MEP1A: variants seen among roughly 807,000 people sequenced by gnomAD.
MEP1A encodes N-benzoyl-L-tyrosyl-P-amino-benzoic acid hydrolase subunit alpha.
In MEP1A, 68 loss-of-function variants were observed where a neutral mutation model predicts 84.5. The observed-to-expected ratio is 0.80, with a 90% CI of 0.66 to 0.98. MEP1A has a LOEUF of 0.98. MEP1A is among the 50% of genes least tolerant of loss of function. The pLI is 0.00. For missense variants in MEP1A, 887 were observed against 919.9 expected, an observed-to-expected ratio of 0.96 and a Z score of 0.46; for synonymous variants, 337 against 336.8, an observed-to-expected ratio of 1.00 and a Z score of -0.01.
intron 10 of MEP1A, 148 bp from the exon 11 acceptor site, chr6:46,832,926 C>A (rs1006575356): frequency 1.1e-5 from 5 of 473,186 alleles, no homozygotes; most frequent in African/African-American, 6.0e-5. Flanking sequence ...AGTTACTTAA[C>A]CAGTTTATAA....
chr6:46,839,026 G>A lies in MEP1A; in HGVS notation c.2131G>A (p.Ala711Thr), dbSNP rs775328406. 1.2e-6 allele frequency: 2 copies of A among 1,613,692 alleles called. No individual in the cohort carries two copies. Among genetic ancestry groups the A allele is most frequent in the African/African-American group, 2.7e-5 (2 of 74,914 alleles). Residue 711 changes from alanine to threonine, a missense_variant, in exon 14 of 14, where the codon GCC becomes ACC. Transcript: ENST00000230588. ...CTTCTACACGGGGGAGCGCTGTCAG[G>A]CCGTGCAGGTGCACGGCAGTGTCCT... ...AFFYTGERCQAVQVHGSVLGM... is the reference protein window; with the variant it reads ...AFFYTGERCQTVQVHGSVLGM...
the MEP1A span, among the ~76,000 whole-genome samples, chr6:46,845,193 G>C: frequency 6.6e-6 from 1 of 152,174 alleles, no homozygotes; most frequent in South Asian, 2.1e-4. Flanking sequence ...ATCAAATTCA[G>C]GCCAATGGAA....
downstream of MEP1A, among the ~76,000 whole-genome samples, chr6:46,840,482 A>C (rs768358036): frequency 3.9e-5 from 6 of 152,178 alleles, no homozygotes; most frequent in Non-Finnish European, 5.9e-5. Context: ...TGCTACTGCT[A>C]CTGACTCCCC....
intron 3 of MEP1A, among the ~76,000 whole-genome samples, chr6:46,795,986 T>A (rs918947774): frequency 6.6e-6 from 1 of 152,114 alleles, no homozygotes; most frequent in Non-Finnish European, 1.5e-5. Context: ...CCAAGTGGTT[T>A]CTATGCACAT....
At chr6:46,818,808 T>C (rs1581677485) in intron 6 of MEP1A, among the ~76,000 whole-genome samples, 1 of 152,178 alleles carries the variant, frequency 6.6e-6, no homozygotes, top group South Asian at 2.1e-4. Flanking sequence ...TGCTTGTTCA[T>C]TATAGGAACT....
At chr6:46,810,294 GC>G (rs1181228490) in intron 6 of MEP1A, among the ~76,000 whole-genome samples, 1 of 151,972 alleles carries the variant, frequency 6.6e-6, no homozygotes, top group Non-Finnish European at 1.5e-5. Context: ...CACATTCTTA[GC>G]CCAATTTTTG....
intron 9 of MEP1A, 128 bp from the exon 10 acceptor site, chr6:46,829,228 T>C: frequency 1.4e-6 from 1 of 716,096 alleles, no homozygotes; most frequent in South Asian, 1.7e-5. Flanking sequence ...CTTTTTATTT[T>C]CCTCCGAAGA....
At chr6:46,817,059 T>G (rs1276117689) in intron 6 of MEP1A, among the ~76,000 whole-genome samples, 2 of 152,130 alleles carry the variant, frequency 1.3e-5, no homozygotes, top group African/African-American at 4.8e-5. Context: ...ATGCTCCAGT[T>G]TTCTAGGGGA....
At chr6:46,821,935 G>A (rs903543426) in intron 7 of MEP1A, among the ~76,000 whole-genome samples, 2 of 152,146 alleles carry the variant, frequency 1.3e-5, no homozygotes, top group Non-Finnish European at 2.9e-5. Context: ...TTTTATCAGG[G>A]TAATTTGTGA....
At chr6:46,804,162 G>T (rs537933593) in intron 5 of MEP1A, among the ~76,000 whole-genome samples, 23 of 151,512 alleles carry the variant, frequency 1.5e-4, no homozygotes, top group Non-Finnish European at 3.0e-4. Flanking sequence ...TTTCTCTTCA[G>T]TCTGAAGAAC....
In MEP1A at chr6:46,833,451, A is replaced by C; in HGVS notation, c.1522A>C (p.Ile508Leu). The C allele has an allele frequency of 6.2e-7, 1 of 1,614,180 alleles. No individual in the cohort carries two copies. The highest frequency in any genetic ancestry group is 2.2e-5 in the East Asian group (1 of 44,882). ...EWPVENRQVI[I>L]TILDQEPDVR... ...GCCGGTAGAAAACAGACAGGTGATA[A>C]TTACCATCCTTGACCAGGAGCCTGA... The change falls in exon 11 of 14, where the codon ATT (isoleucine) becomes CTT (leucine). Residue 508 changes from isoleucine (I) to leucine (L), a missense_variant. Physicochemically the swap from Ile to Leu is conservative, Grantham distance 5. Transcript: ENST00000230588.
intron 3 of MEP1A, among the ~76,000 whole-genome samples, chr6:46,794,413 C>T (rs752582354): frequency 6.6e-6 from 1 of 152,162 alleles, no homozygotes; most frequent in Non-Finnish European, 1.5e-5. Flanking sequence ...CCAGTCTTGT[C>T]GTGGAGTAAG....
At chr6:46,805,021 T>C (rs940670282) in intron 5 of MEP1A, among the ~76,000 whole-genome samples, 2 of 151,920 alleles carry the variant, frequency 1.3e-5, no homozygotes, top group Non-Finnish European at 2.9e-5. Context: ...AAGCAATTTG[T>C]TCTTTTTTTG....
chr6:46,807,569 G>GA (rs1562106673), intron 5 of MEP1A, among the ~76,000 whole-genome samples: 246 of 17,528 alleles, frequency 0.014, no homozygotes, highest in Non-Finnish European at 0.019. Context: ...AGAAAGAAAG[G>GA]AAGGAAGGAA....
At chr6:46,807,660 GAGA>G (rs1464373770) in intron 5 of MEP1A, among the ~76,000 whole-genome samples, 10 of 145,650 alleles carry the variant, frequency 6.9e-5, no homozygotes, top group African/African-American at 2.5e-4. Flanking sequence ...GGAGGAGGAA[GAGA>G]AGAAGGAGGA....
At chr6:46,814,735 G>C (rs1767592825) in intron 6 of MEP1A, among the ~76,000 whole-genome samples, 1 of 152,148 alleles carries the variant, frequency 6.6e-6, no homozygotes, top group African/African-American at 2.4e-5. Flanking sequence ...TGTCCCACAG[G>C]GTGCTCCCTT....
rs1562120054 is a variant in MEP1A at position 46,839,123 on chromosome 6, G to A, written c.2228G>A (p.Arg743Lys). Residue 743 changes from arginine (R) to lysine (K), a missense_variant, in exon 14 of 14, where the codon AGG becomes AAG. By Grantham distance (26) the Arg-to-Lys change is conservative. Transcript: ENST00000230588. ...TFSIIAILSQ[R>K]PRK ...TCCATCATCGCCATCCTTTCCCAAA[G>A]GCCAAGGAAGTGACCTGCCTGCTGG... The A allele has an allele frequency of 6.2e-7, 1 of 1,612,408 alleles. No homozygotes were observed. Among genetic ancestry groups the A allele is most frequent in the Non-Finnish European group, 8.5e-7 (1 of 1,179,716 alleles).
rs1356698125 is a variant in MEP1A at position 46,825,328 on chromosome 6, C to A, written c.613C>A (p.Pro205Thr). 5.6e-6 allele frequency: 9 copies of A among 1,613,526 alleles called. No individual in the cohort carries two copies. Among genetic ancestry groups the A allele is most frequent in the African/African-American group, 1.3e-5 (1 of 74,820 alleles). The stretch of plus-strand genomic sequence containing the variant: ...TAGCTTAATCACAGACCTCAATACA[C>A]CCTATGATTATGAGTCTTTGATGCA... ...DDSLITDLNT[P>T]YDYESLMHYQ... Residue 205 changes from proline (P) to threonine (T), a missense_variant, in exon 8 of 14, where the codon CCC becomes ACC. Coordinates refer to ENST00000230588, the MANE Select transcript of MEP1A (RefSeq NM_005588.3).
intron 7 of MEP1A, among the ~76,000 whole-genome samples, chr6:46,824,122 C>T (rs75678122): frequency 0.011 from 1,647 of 152,150 alleles, 36 homozygotes; most frequent in African/African-American, 0.038. Context: ...GTATGAGGTA[C>T]TTGGCTGTTA....
Sources: allele counts gnomAD v4.1 joint callset (sites outside exome capture counted in the v4.1 genomes callset), GRCh38; gene constraint gnomAD v4.1.1; transcripts MANE v1.5; gene names NCBI Gene and HGNC (gene_info 2026-07-23, HGNC 2026-07-21).